The following THSD7A variants were observed in gnomAD, a reference collection of about 807,000 sequenced individuals.
THSD7A encodes the protein thrombospondin type 1 domain containing 7A, also known as thrombospondin type-1 domain-containing protein 7A.
THSD7A carries 96 observed loss-of-function variants against 231.3 expected under a neutral mutation model. The ratio of observed to expected loss-of-function variants is 0.41; its 90% CI spans 0.35 to 0.49. THSD7A has a LOEUF of 0.49. Ranked by LOEUF, THSD7A falls within the 20% of genes least tolerant of loss-of-function variation. The pLI, the probability that THSD7A is intolerant of heterozygous loss-of-function variation, is 0.05. For synonymous variants in THSD7A, 940 were observed against 743.3 expected, an observed-to-expected ratio of 1.26 and a Z score of -4.30; for missense variants, 2,290 against 2,070.2, an observed-to-expected ratio of 1.11 and a Z score of -2.06.
At chr7:11,723,810 T>G (rs1301619497) in intron 1 of THSD7A, among the ~76,000 whole-genome samples, 2 of 151,904 alleles carry the variant, frequency 1.3e-5, no homozygotes, top group South Asian at 4.1e-4. Flanking sequence ...CAAAGCAGAA[T>G]GAGCAAGAAG....
At chr7:11,762,323 T>C (rs1367826710) in intron 1 of THSD7A, among the ~76,000 whole-genome samples, 1 of 152,150 alleles carries the variant, frequency 6.6e-6, no homozygotes, top group Non-Finnish European at 1.5e-5. Context: ...ATACTGATTT[T>C]CATAGGTGTT....
intron 1 of THSD7A, among the ~76,000 whole-genome samples, chr7:11,768,851 T>C (rs990787791): frequency 9.2e-5 from 14 of 151,864 alleles, no homozygotes; most frequent in African/African-American, 3.4e-4. Context: ...CAAACAAATT[T>C]TCTAGAATAT....
chr7:11,828,590 AT>A (rs956500265), intron 1 of THSD7A, among the ~76,000 whole-genome samples: 6 of 152,088 alleles, frequency 3.9e-5, no homozygotes, highest in African/African-American at 1.4e-4. Context: ...TTGAATAAGA[AT>A]TTTTTTAAAA....
At chr7:11,666,409 G>A (rs1000060078) in intron 1 of THSD7A, among the ~76,000 whole-genome samples, 1 of 138,070 alleles carries the variant, frequency 7.2e-6, no homozygotes, top group Admixed American at 7.7e-5. Context: ...GGTGTTAGAT[G>A]TGGAATTTTC....
At chr7:11,820,772 CG>C in intron 1 of THSD7A, 3 of 1,203,194 alleles carry the variant, frequency 2.5e-6, no homozygotes, top group Non-Finnish European at 2.5e-6. Context: ...GTGAGATGAC[CG>C]GGAGGAAGAG....
At chr7:11,597,006 A>G (rs1780385854) in intron 2 of THSD7A, among the ~76,000 whole-genome samples, 1 of 152,216 alleles carries the variant, frequency 6.6e-6, no homozygotes, top group Admixed American at 6.5e-5. Flanking sequence ...TCTTATTCAG[A>G]AAGACCTTGA....
At chr7:11,543,420 C>G (rs777997431) in intron 4 of THSD7A, among the ~76,000 whole-genome samples, 1 of 152,112 alleles carries the variant, frequency 6.6e-6, no homozygotes, top group Non-Finnish European at 1.5e-5. Context: ...CAAAATATTC[C>G]TTAAGGTTAG....
Position 11,593,438 on chromosome 7 carries a change from C to T in THSD7A, c.1087G>A (p.Val363Ile). Residue 363 changes from valine (V) to isoleucine (I), a missense_variant, in exon 3 of 28, where the codon GTT becomes ATT. Coordinates refer to ENST00000423059, the MANE Select transcript of THSD7A (RefSeq NM_015204.3). ...QSCVITKECQVSEWSEWSPCS... is the reference protein window; with the variant it reads ...QSCVITKECQISEWSEWSPCS... ...GGGCTCCACTCTGACCACTCGGAAACCTGGCACTCTTTGGTGATCACACAG... is the reference window on the plus strand; with the variant it reads ...GGGCTCCACTCTGACCACTCGGAAATCTGGCACTCTTTGGTGATCACACAG... 1 of 1,614,032 alleles carries T rather than the reference C, an allele frequency of 6.2e-7. No homozygotes were observed.
At chr7:11,749,577 G>T (rs1417933086) in intron 1 of THSD7A, among the ~76,000 whole-genome samples, 1 of 151,868 alleles carries the variant, frequency 6.6e-6, no homozygotes, top group Non-Finnish European at 1.5e-5. Context: ...ATTGCTGAAG[G>T]GTATTTGTTT....
chr7:11,441,818 TG>T (rs1784812303), intron 13 of THSD7A, among the ~76,000 whole-genome samples: 1 of 150,266 alleles, frequency 6.7e-6, no homozygotes, highest in South Asian at 2.1e-4. Context: ...CATCACACAC[TG>T]GGGCCTGTCG....
chr7:11,742,549 T>C (rs1782149335), intron 1 of THSD7A, among the ~76,000 whole-genome samples: 1 of 151,930 alleles, frequency 6.6e-6, no homozygotes, highest in African/African-American at 2.4e-5. Context: ...TGTTGTCTAA[T>C]TGATGAAGTG....
chr7:11,631,760 G>C (rs1361984864), intron 2 of THSD7A, among the ~76,000 whole-genome samples: 1 of 152,166 alleles, frequency 6.6e-6, no homozygotes, highest in Non-Finnish European at 1.5e-5. Context: ...TGATTTCTCA[G>C]AAGGCAGATA....
At chr7:11,517,496 TA>T (rs1257663736) in intron 6 of THSD7A, among the ~76,000 whole-genome samples, 23 of 151,322 alleles carry the variant, frequency 1.5e-4, no homozygotes, top group Non-Finnish European at 2.5e-4. Flanking sequence ...TATAACAAAG[TA>T]AGGCTATGAA....
chr7:11,809,615 A>G (rs925913969), intron 1 of THSD7A, among the ~76,000 whole-genome samples: 10 of 152,198 alleles, frequency 6.6e-5, no homozygotes, highest in African/African-American at 2.2e-4. Flanking sequence ...AGAATTAACT[A>G]TGGTAAATAT....
At chr7:11,617,182 C>T (rs1781136123) in intron 2 of THSD7A, among the ~76,000 whole-genome samples, 2 of 152,106 alleles carry the variant, frequency 1.3e-5, no homozygotes, top group Non-Finnish European at 2.9e-5. Context: ...TTTACCGGAA[C>T]TATTATATAA....
intron 6 of THSD7A, among the ~76,000 whole-genome samples, chr7:11,521,691 C>T (rs1396926398): frequency 1.7e-5 from 2 of 114,302 alleles, no homozygotes; most frequent in Non-Finnish European, 3.5e-5. Context: ...CTATCCCTCC[C>T]CCCTCCCCCG....
rs1164211424 is a variant in THSD7A at position 11,476,820 on chromosome 7, A to G, written c.2018-2252T>C. 1.2e-4 allele frequency among the ~76,000 whole-genome samples: 14 copies of G among 118,724 alleles called. No individual in the cohort carries two copies. The East Asian group carries it at 2.4e-3, about 21-fold the overall frequency. 77.9% of individuals were successfully genotyped at this position (118,724 alleles called of 152,430 possible). ...ACAGAGAGAGACTCCGTCTCAGAGA[A>G]AAAAAAAAAAAAAAAGATAGTGTAG... On this transcript the variant is annotated intron_variant, in intron 7 of 27. Coordinates refer to ENST00000423059, the MANE Select transcript of THSD7A (RefSeq NM_015204.3).
chr7:11,626,680 ATAAG>A (rs1562779925), intron 2 of THSD7A, among the ~76,000 whole-genome samples: 2 of 152,276 alleles, frequency 1.3e-5, no homozygotes, highest in East Asian at 3.9e-4. Flanking sequence ...AGTGACTGAT[ATAAG>A]TAAGGACACT....
At chr7:11,648,596 A>G (rs1782374002) in intron 1 of THSD7A, among the ~76,000 whole-genome samples, 1 of 150,736 alleles carries the variant, frequency 6.6e-6, no homozygotes, top group African/African-American at 2.4e-5. Flanking sequence ...AACATGCAAT[A>G]TCTACTAGGA....
Sources: allele counts gnomAD v4.1 joint callset (sites outside exome capture counted in the v4.1 genomes callset), GRCh38; gene constraint gnomAD v4.1.1; transcripts MANE v1.5; gene names NCBI Gene and HGNC (gene_info 2026-07-23, HGNC 2026-07-21).